Variants in CYP20A1 observed in about 807,000 individuals in gnomAD.
CYP20A1 encodes cytochrome P450 20A1.
A neutral mutation model predicts 61.4 loss-of-function variants in CYP20A1; 61 were observed. The observed-to-expected ratio is 0.99, with a 90% CI of 0.81 to 1.23. CYP20A1 has a LOEUF of 1.23. Among genes scored for constraint, CYP20A1 ranks in the 50% most tolerant of loss-of-function variants. The pLI is 0.00. For synonymous variants in CYP20A1, 193 were observed against 188.2 expected (o/e 1.03, Z -0.21); for missense variants, 530 against 542.4 (o/e 0.98, Z 0.23).
chr2:203,292,413 C>G (rs2068577028), intron 11 of CYP20A1, 87 bp downstream of exon 11: 2 of 895,884 alleles, frequency 2.2e-6, no homozygotes, highest in Non-Finnish European at 3.7e-6. Context: ...GAGTAGAAAA[C>G]TCAATATGTA....
rs543954650 is a variant in CYP20A1 at position 203,259,280 on chromosome 2, C to G, written c.432+7171C>G. Among the ~76,000 whole-genome samples the G allele has an allele frequency of 1.3e-3, 205 of 152,230 alleles. 1 individual carries two copies. The highest frequency in any genetic ancestry group is 4.3e-3 in the Admixed American group (66 of 15,286). ...CCAGGTACTTAATTTAGGCATTAGT[C>G]AGTGATATAGTTTGAATATTTGTCC... On this transcript the variant is annotated intron_variant, in intron 4 of 12. Coordinates refer to ENST00000356079, the MANE Select transcript of CYP20A1 (RefSeq NM_177538.3).
At position 203,252,025 on chromosome 2, in the gene CYP20A1, T is replaced by C; in HGVS notation, c.348T>C (p.Ser116=). 6.2e-7 allele frequency: 1 copy of C among 1,611,260 alleles called. No individual in the cohort carries two copies. Among genetic ancestry groups the C allele is most frequent in the Non-Finnish European group, 8.5e-7 (1 of 1,178,626 alleles). Residue 116 remains serine, a synonymous_variant, in exon 4 of 13, where the codon AGT becomes AGC. Transcript: ENST00000356079. ...SLLRYQSGGG[S]VSENHMRKKL... ...TAAGGTATCAATCTGGTGGTGGCAGTGTGAGTGAAAACCACATGAGGAAAA... is the reference window on the plus strand; with the variant it reads ...TAAGGTATCAATCTGGTGGTGGCAGCGTGAGTGAAAACCACATGAGGAAAA...
At chr2:203,243,720 C>T (rs1191698434) in intron 1 of CYP20A1, among the ~76,000 whole-genome samples, 2 of 131,566 alleles carry the variant, frequency 1.5e-5, no homozygotes, top group Non-Finnish European at 3.2e-5. Context: ...GACAGGGTCT[C>T]ACTCTGTCAC....
At chr2:203,254,008 C>T (rs1213029983) in intron 4 of CYP20A1, among the ~76,000 whole-genome samples, 10 of 151,880 alleles carry the variant, frequency 6.6e-5, no homozygotes, top group Admixed American at 5.3e-4. Flanking sequence ...AATGCAGTGG[C>T]GTGATCTCGG....
At chr2:203,263,330 G>A (rs1446702774) in intron 4 of CYP20A1, among the ~76,000 whole-genome samples, 1 of 139,088 alleles carries the variant, frequency 7.2e-6, no homozygotes, top group African/African-American at 2.7e-5. Context: ...TCCCTCTGTC[G>A]CCAGGCTGGA....
At chr2:203,251,102 T>C (rs1421599179) in intron 3 of CYP20A1, among the ~76,000 whole-genome samples, 2 of 146,122 alleles carry the variant, frequency 1.4e-5, no homozygotes, top group East Asian at 3.9e-4. Flanking sequence ...ATAACAGCTG[T>C]GAAAAATGTC....
In CYP20A1 at chr2:203,302,474, CA is replaced by C. The variant is rs2069059348; in HGVS notation, c.*5567del. On this transcript the variant is annotated 3_prime_UTR_variant, in exon 13 of 13. Coordinates refer to ENST00000356079, the MANE Select transcript of CYP20A1 (RefSeq NM_177538.3). ...GCTTGAGCTCAGGAAGTCAAGGCTA[CA>C]GTGAGCTGTGGTAGTGCCACTGCAC... Among the ~76,000 whole-genome samples, 1 of 152,178 alleles carries C rather than the reference CA, an allele frequency of 6.6e-6. No individual in the cohort carries two copies. Among genetic ancestry groups the C allele is most frequent in the Non-Finnish European group, 1.5e-5 (1 of 68,038 alleles).
At chr2:203,250,427 G>C (rs765123589) in intron 3 of CYP20A1, among the ~76,000 whole-genome samples, 10 of 152,080 alleles carry the variant, frequency 6.6e-5, no homozygotes, top group Non-Finnish European at 1.5e-4. Flanking sequence ...ACTTGCCTAA[G>C]GTCACAGCTA....
rs531123599 is a variant in CYP20A1 at position 203,289,664 on chromosome 2, G to T, written c.972-101G>T. The T allele has an allele frequency of 2.6e-5, 13 of 504,058 alleles. No individual in the cohort carries two copies. In the South Asian group the frequency reaches 4.3e-4, roughly 17 times the overall value. 31.2% of individuals were successfully genotyped at this position (504,058 alleles called of 1,614,324 possible). On this transcript the variant is annotated intron_variant, in intron 9 of 12. Coordinates refer to ENST00000356079, the MANE Select transcript of CYP20A1 (RefSeq NM_177538.3). Reference sequence around the variant, plus strand: ...AATTATGATGGGACTATTTCAAGTTGGGAATGTTTGAGCAGTTGTTGAAGA... The same window carrying T: ...AATTATGATGGGACTATTTCAAGTTTGGAATGTTTGAGCAGTTGTTGAAGA...
intron 4 of CYP20A1, among the ~76,000 whole-genome samples, chr2:203,264,382 T>C (rs530741271): frequency 2.6e-4 from 40 of 152,266 alleles, no homozygotes; most frequent in Admixed American, 6.5e-4. Flanking sequence ...TACTTTGTCG[T>C]TATGAAATAT....
intron 4 of CYP20A1, among the ~76,000 whole-genome samples, chr2:203,262,341 C>T (rs2152070743): frequency 6.6e-6 from 1 of 152,108 alleles, no homozygotes; most frequent in African/African-American, 2.4e-5. Flanking sequence ...TACAGATGTA[C>T]ACCACCATGC....
chr2:203,296,409 T>G, intron 11 of CYP20A1, 65 bp from the exon 12 acceptor site: 1 of 946,460 alleles, frequency 1.1e-6, no homozygotes, highest in Non-Finnish European at 1.7e-6. Context: ...CTTGTGTTCT[T>G]TTAGTGTCAA....
chr2:203,241,026 G>A (rs1476078182), intron 1 of CYP20A1, among the ~76,000 whole-genome samples: 1 of 152,228 alleles, frequency 6.6e-6, no homozygotes, highest in Non-Finnish European at 1.5e-5. Context: ...TTGGATCATG[G>A]TAGTAGTGGC....
At chr2:203,290,921 GCATGAGCCAC>G in intron 10 of CYP20A1, among the ~76,000 whole-genome samples, 1 of 152,236 alleles carries the variant, frequency 6.6e-6, no homozygotes, top group African/African-American at 2.4e-5. Flanking sequence ...GGGATTACAG[GCATGAGCCAC>G]CATGCCCATC....
rs150914974 is a variant in CYP20A1, at chr2:203,262,117, C to A, written c.433-4397C>A. ...GAACAAAGAAGCAAAACTCTTCTTA[C>A]AAATGCCTTTCTAGCACCTTATACT... On this transcript the variant is annotated intron_variant, in intron 4 of 12. Coordinates refer to ENST00000356079, the MANE Select transcript of CYP20A1 (RefSeq NM_177538.3). Among the ~76,000 whole-genome samples, 22 of 152,338 alleles carry A rather than the reference C, an allele frequency of 1.4e-4. 1 individual carries two copies. The East Asian group carries it at 2.9e-3, about 20-fold the overall frequency.
At chr2:203,260,154 T>G (rs1284353988) in intron 4 of CYP20A1, among the ~76,000 whole-genome samples, 1 of 152,020 alleles carries the variant, frequency 6.6e-6, no homozygotes, top group Non-Finnish European at 1.5e-5. Context: ...CTTGAACTCC[T>G]GACCTCAGGT....
At chr2:203,245,516 C>G (rs911859434) in intron 1 of CYP20A1, among the ~76,000 whole-genome samples, 8 of 152,134 alleles carry the variant, frequency 5.3e-5, no homozygotes, top group Non-Finnish European at 1.2e-4. Flanking sequence ...CCGAAAGGCC[C>G]CAGCATGTAT....
intron 7 of CYP20A1, 86 bp from the exon 8 acceptor site, chr2:203,279,961 TCATTGACACTAA>T: frequency 1.4e-6 from 1 of 727,096 alleles, no homozygotes; most frequent in African/African-American, 1.8e-5. Flanking sequence ...ACTTTTTTTT[TCATTGACACTAA>T]TTTTATGCTG....
chr2:203,244,983 C>T (rs1454721045), intron 1 of CYP20A1, among the ~76,000 whole-genome samples: 3 of 151,036 alleles, frequency 2.0e-5, no homozygotes, highest in South Asian at 2.1e-4. Context: ...CCGCCTGCCT[C>T]GGCCTCCCAA....
Sources: gnomAD v4.1 joint callset for allele counts (sites outside exome capture counted in the v4.1 genomes callset) on GRCh38, gnomAD v4.1.1 for gene constraint, MANE v1.5 for transcripts, NCBI Gene and HGNC (gene_info 2026-07-23, HGNC 2026-07-21) for gene names.